Variants in CATSPERE observed in about 807,000 individuals in gnomAD.
CATSPERE encodes the protein catsper channel auxiliary subunit epsilon.
A neutral mutation model predicts 114.1 loss-of-function variants in CATSPERE; 93 were observed. The observed-to-expected ratio is 0.81, with a 90% CI of 0.69 to 0.97. The LOEUF (loss-of-function observed/expected upper bound fraction) is 0.97, where lower values mean the gene tolerates loss of function less well. CATSPERE is among the 50% of genes least tolerant of loss of function. The pLI is 0.00. For synonymous variants in CATSPERE, 341 were observed against 384.1 expected (o/e 0.89, Z 1.31); for missense variants, 1,058 against 1,131.6 (o/e 0.93, Z 0.93).
At chr1:244,553,423 CCTGTA>C (rs1345562987) in intron 9 of CATSPERE, among the ~76,000 whole-genome samples, 4 of 151,254 alleles carry the variant, frequency 2.6e-5, no homozygotes, top group Non-Finnish European at 5.9e-5. Context: ...GTGGTGGGTG[CCTGTA>C]GGTGGGTGCC....
rs763846773 is a variant in CATSPERE, at chr1:244,575,460, G to A, written c.1950+2688G>A. Among the ~76,000 whole-genome samples, 11 of 152,194 alleles carry A rather than the reference G, an allele frequency of 7.2e-5. No homozygotes were observed. Among genetic ancestry groups the A allele is most frequent in the Non-Finnish European group, 7.3e-5 (5 of 68,044 alleles). ...TCCTGCTCAGCTCTAACTTGCAGGC[G>A]TCCATGGCCAGCTGTCCTCCGAGGG... On this transcript the variant is annotated intron_variant, in intron 11 of 21. Coordinates refer to ENST00000366534, the MANE Select transcript of CATSPERE (RefSeq NM_001130957.2). The surrounding 1 kb of genome is among the most constrained non-coding windows in gnomAD (Gnocchi z 4.5).
At chr1:244,544,893 CCTGT>C (rs1309381122) in intron 8 of CATSPERE, among the ~76,000 whole-genome samples, 36 of 152,100 alleles carry the variant, frequency 2.4e-4, no homozygotes, top group Non-Finnish European at 5.9e-5. Context: ...TTTTTCCATC[CCTGT>C]CTATGAGGCC....
At chr1:244,460,742 C>T (rs1480117056), upstream of CATSPERE, among the ~76,000 whole-genome samples, 1 of 152,128 alleles carries the variant, frequency 6.6e-6, no homozygotes, top group Admixed American at 6.5e-5. Context: ...GGTGAAACCC[C>T]GTCTCTACTC....
chr1:244,529,798 A>G (rs1055900019), intron 8 of CATSPERE, among the ~76,000 whole-genome samples: 3 of 152,190 alleles, frequency 2.0e-5, no homozygotes, highest in East Asian at 1.9e-4. Flanking sequence ...GCCCACTCCA[A>G]TGTTCTGGAG....
chr1:244,564,609 C>T (rs960709836), intron 10 of CATSPERE, among the ~76,000 whole-genome samples: 3 of 152,262 alleles, frequency 2.0e-5, no homozygotes, highest in Admixed American at 6.5e-5. Context: ...TATCTTGAGA[C>T]GTTGCTGAAG....
Position 244,635,552 on chromosome 1 carries a change from A to C in CATSPERE, c.2702+10A>C. On this transcript the variant is annotated intron_variant, in intron 21 of 21. Coordinates refer to ENST00000366534, the MANE Select transcript of CATSPERE (RefSeq NM_001130957.2). ...TTGGACTGATTCCCAGGTAAGGAGC[A>C]GGGCCTAACTGGACTTTAATTAGGG... The C allele has an allele frequency of 6.2e-7, 1 of 1,606,068 alleles. No individual in the cohort carries two copies. Among genetic ancestry groups the C allele is most frequent in the Non-Finnish European group, 8.5e-7 (1 of 1,173,190 alleles).
In CATSPERE at chr1:244,640,192, G is replaced by GTAC. The variant is rs1675189415; in HGVS notation, c.*113_*114insCTA. Reference sequence around the variant, plus strand: ...AAGAAATACTAAATATAAGCTCGTAGTAGGCATCACCAAATTCAAGATCTG... The same window carrying GTAC: ...AAGAAATACTAAATATAAGCTCGTAGTACTAGGCATCACCAAATTCAAGATCTG... On this transcript the variant is annotated 3_prime_UTR_variant, in exon 22 of 22. Transcript: ENST00000366534. 3 of 797,674 alleles carry GTAC rather than the reference G, an allele frequency of 3.8e-6. No individual in the cohort carries two copies. The highest frequency in any genetic ancestry group is 5.7e-6 in the Non-Finnish European group (3 of 524,500). The allele number at this position is 797,674 out of a possible 1,614,324, so 49.4% of individuals were successfully genotyped here.
intron 9 of CATSPERE, among the ~76,000 whole-genome samples, chr1:244,556,701 T>C (rs1661629874): frequency 6.6e-6 from 1 of 152,226 alleles, no homozygotes; most frequent in Non-Finnish European, 1.5e-5. Flanking sequence ...TTTTAATCCA[T>C]TTTGAGTTAA....
rs567256386 is a variant in CATSPERE at position 244,594,497 on chromosome 1, C to T, written c.2303+919C>T. 2.6e-4 allele frequency among the ~76,000 whole-genome samples: 39 copies of T among 152,082 alleles called. 1 individual carries two copies. The highest frequency in any genetic ancestry group is 4.6e-4 in the Non-Finnish European group (31 of 67,994). ...CAAAATTTAAAATATAGAAAAAATA[C>T]GAGGTAAACGACTCACATTTCTAAA... is the stretch of plus-strand genomic sequence containing the variant. On this transcript the variant is annotated intron_variant, in intron 17 of 21. Coordinates refer to ENST00000366534, the MANE Select transcript of CATSPERE (RefSeq NM_001130957.2).
At chr1:244,566,672 TTTTTTTTTTTTTTTTG>T (rs1366341652) in intron 10 of CATSPERE, among the ~76,000 whole-genome samples, 28 of 117,960 alleles carry the variant, frequency 2.4e-4, no homozygotes, top group South Asian at 1.8e-3. Flanking sequence ...TTTTTTTTTT[TTTTTTTTTTTTTTTTG>T]CTTTCCATTT....
chr1:244,483,242 A>G (rs1670523196), intron 5 of CATSPERE, among the ~76,000 whole-genome samples: 1 of 152,226 alleles, frequency 6.6e-6, no homozygotes, highest in Non-Finnish European at 1.5e-5. Flanking sequence ...GGATAATAAT[A>G]TGCACTTTAA....
At chr1:244,525,988 C>A (rs1678525365) in intron 8 of CATSPERE, among the ~76,000 whole-genome samples, 1 of 152,198 alleles carries the variant, frequency 6.6e-6, no homozygotes, top group African/African-American at 2.4e-5. Context: ...TTGGCCTCAT[C>A]TGTGGCCTCA....
chr1:244,605,643 A>ACC (rs1444124459), intron 17 of CATSPERE, 52 bp from the exon 18 acceptor site: 2 of 1,226,562 alleles, frequency 1.6e-6, no homozygotes, highest in Non-Finnish European at 2.4e-6. Context: ...GGAACTCTTA[A>ACC]CCCCTCTATT....
At chr1:244,512,606 G>T (rs1337528524) in intron 7 of CATSPERE, among the ~76,000 whole-genome samples, 1 of 151,728 alleles carries the variant, frequency 6.6e-6, no homozygotes, top group East Asian at 1.9e-4. Context: ...GAGAATTATT[G>T]TGTTCCTTTG....
chr1:244,490,940 G>A (rs374858101), intron 6 of CATSPERE, among the ~76,000 whole-genome samples: 2 of 151,942 alleles, frequency 1.3e-5, no homozygotes, highest in African/African-American at 4.8e-5. Context: ...AGTAAATACA[G>A]GTGGATCTAA....
intron 1 of CATSPERE, among the ~76,000 whole-genome samples, chr1:244,462,346 G>T (rs200205462): frequency 6.6e-6 from 1 of 152,136 alleles, no homozygotes; most frequent in African/African-American, 2.4e-5. Flanking sequence ...AGGATGAAAA[G>T]GTATTATCGT....
chr1:244,473,478 GT>G (rs914037516), intron 2 of CATSPERE, among the ~76,000 whole-genome samples: 4 of 152,014 alleles, frequency 2.6e-5, no homozygotes, highest in African/African-American at 4.8e-5. Context: ...AGTTTTAAGA[GT>G]TTTTTTGTGT....
In CATSPERE at chr1:244,552,704, A is replaced by G. The variant is rs1660854213; in HGVS notation, c.919A>G (p.Ile307Val). ...IVFLINGVLYIKSFRGFIRLG... is the reference protein window; with the variant it reads ...IVFLINGVLYVKSFRGFIRLG... ...TTTTCTTATAAATGGTGTTCTTTAC[A>G]TAAAGAGTTTTCGTGGATTTATAAG... is the stretch of plus-strand genomic sequence containing the variant. The change falls in exon 9 of 22, where the codon ATA (isoleucine) becomes GTA (valine). Residue 307 changes from isoleucine (I) to valine (V), a missense_variant. By Grantham distance (29) the Ile-to-Val change is conservative. Transcript: ENST00000366534. 1.9e-6 allele frequency: 3 copies of G among 1,614,158 alleles called. No individual in the cohort carries two copies. Among genetic ancestry groups the G allele is most frequent in the Admixed American group, 1.7e-5 (1 of 60,014 alleles).
intron 1 of CATSPERE, among the ~76,000 whole-genome samples, chr1:244,463,620 A>C (rs1472845381): frequency 6.6e-6 from 1 of 150,654 alleles, no homozygotes; most frequent in East Asian, 1.9e-4. Context: ...AGTTAGAGCC[A>C]GTGTTCTTCA....
Sources: gnomAD v4.1 joint callset for allele counts (sites outside exome capture counted in the v4.1 genomes callset) on GRCh38, gnomAD v4.1.1 for gene constraint, Gnocchi (gnomAD v3.1) non-coding constraint, MANE v1.5 for transcripts, NCBI Gene and HGNC (gene_info 2026-07-23, HGNC 2026-07-21) for gene names.